XKR6: variants seen among roughly 807,000 people sequenced by gnomAD.
XKR6 encodes XK-related protein 6.
Under a neutral mutation model 56.7 loss-of-function variants are expected in XKR6, and 22 were observed. The observed-to-expected ratio is 0.39, with a 90% CI of 0.28 to 0.55. XKR6 has a LOEUF of 0.55. XKR6 is among the 20% of genes least tolerant of loss of function. The pLI, the probability that XKR6 is intolerant of heterozygous loss-of-function variation, is 0.66. For missense variants in XKR6, 852 were observed against 889.0 expected, an observed-to-expected ratio of 0.96 and a Z score of 0.53; for synonymous variants, 524 against 387.8, an observed-to-expected ratio of 1.35 and a Z score of -4.13.
chr8:11,063,991 C>A (rs1052799785), intron 1 of XKR6, among the ~76,000 whole-genome samples: 2 of 152,196 alleles, frequency 1.3e-5, no homozygotes, highest in East Asian at 1.9e-4. Flanking sequence ...GTGCCTTGTT[C>A]CGCCTCTATT....
intron 1 of XKR6, among the ~76,000 whole-genome samples, chr8:11,135,558 C>A (rs534708074): frequency 1.3e-5 from 2 of 152,178 alleles, no homozygotes; most frequent in South Asian, 4.1e-4. Context: ...TCATTTAGGC[C>A]TTTTTCTAAT....
intron 1 of XKR6, among the ~76,000 whole-genome samples, chr8:11,170,095 A>G (rs1586646372): frequency 7.3e-6 from 1 of 136,086 alleles, no homozygotes; most frequent in African/African-American, 3.4e-5. Flanking sequence ...TCTTGTACTG[A>G]AAAAAAGAAT....
chr8:11,139,812 G>A (rs1000042008), intron 1 of XKR6, among the ~76,000 whole-genome samples: 11 of 152,136 alleles, frequency 7.2e-5, no homozygotes, highest in Admixed American at 2.0e-4. Context: ...AACAAGCACC[G>A]AAAGCACTGA....
At chr8:11,195,076 A>C in intron 1 of XKR6, 2 of 699,486 alleles carry the variant, frequency 2.9e-6, no homozygotes, top group Non-Finnish European at 2.6e-6. Context: ...CTCTGTCTCA[A>C]TTTAACCCAC....
intron 1 of XKR6, among the ~76,000 whole-genome samples, chr8:10,946,819 T>C (rs551573176): frequency 6.6e-6 from 1 of 152,252 alleles, no homozygotes; most frequent in Admixed American, 6.5e-5. Flanking sequence ...CAGGAAAGGC[T>C]TCTAATTCCA....
At chr8:10,928,356 A>G (rs1800957635) in intron 1 of XKR6, among the ~76,000 whole-genome samples, 1 of 152,140 alleles carries the variant, frequency 6.6e-6, no homozygotes, top group Admixed American at 6.5e-5. Context: ...TCCTCCTCCT[A>G]GCTTTACCTG....
chr8:10,922,750 G>A (rs748497082), intron 2 of XKR6, among the ~76,000 whole-genome samples: 8 of 152,192 alleles, frequency 5.3e-5, no homozygotes, highest in Non-Finnish European at 1.2e-4. Context: ...CATCACCAAG[G>A]TTTCCCTGTG....
At position 11,035,399 on chromosome 8, in the gene XKR6, C is replaced by T. The variant is rs1011900991; in HGVS notation, c.765-110569G>A. 3 of 518,360 alleles carry T rather than the reference C, an allele frequency of 5.8e-6. No individual in the cohort carries two copies. The African/African-American group carries it at 5.8e-5, about 10-fold the overall frequency. 32.1% of individuals were successfully genotyped at this position (518,360 alleles called of 1,614,324 possible). On this transcript the variant is annotated intron_variant, in intron 1 of 2. Transcript: ENST00000416569. ...GGCTCTTTGCACTTCAGGCAAAGTG[C>T]AACTCCAGGAAAGAGAGAAGATTAA... is the stretch of plus-strand genomic sequence containing the variant.
intron 1 of XKR6, among the ~76,000 whole-genome samples, chr8:10,954,130 T>C (rs747590553): frequency 2.0e-5 from 3 of 152,266 alleles, no homozygotes; most frequent in Non-Finnish European, 2.9e-5. Context: ...AACATTCATC[T>C]ACAAATTTTC....
chr8:11,155,220 T>A (rs1801460817), intron 1 of XKR6, among the ~76,000 whole-genome samples: 1 of 152,222 alleles, frequency 6.6e-6, no homozygotes, highest in Non-Finnish European at 1.5e-5. Context: ...CTTACTGTCT[T>A]GCTTCAGGCT....
chr8:11,189,675 G>C (rs1803447974), intron 1 of XKR6, among the ~76,000 whole-genome samples: 1 of 152,146 alleles, frequency 6.6e-6, no homozygotes, highest in African/African-American at 2.4e-5. Context: ...GATATTGGCA[G>C]AAATCAGCCT....
chr8:11,126,847 C>G (rs1424245827), intron 1 of XKR6, among the ~76,000 whole-genome samples: 1 of 152,126 alleles, frequency 6.6e-6, no homozygotes, highest in Non-Finnish European at 1.5e-5. Flanking sequence ...ACAAGCCCCA[C>G]AAACAAGTCA....
At chr8:11,099,347 A>T (rs1798381375) in intron 1 of XKR6, among the ~76,000 whole-genome samples, 1 of 152,242 alleles carries the variant, frequency 6.6e-6, no homozygotes. Flanking sequence ...TAAATGGCTG[A>T]ATCTACTAAA....
intron 1 of XKR6, among the ~76,000 whole-genome samples, chr8:11,006,955 T>C (rs1798383593): frequency 6.6e-6 from 1 of 152,244 alleles, no homozygotes; most frequent in Non-Finnish European, 1.5e-5. Context: ...CAGTTCATCC[T>C]GTTTCCCTTT....
chr8:10,921,814 T>C (rs1028906317), intron 2 of XKR6, among the ~76,000 whole-genome samples: 3 of 152,162 alleles, frequency 2.0e-5, no homozygotes, highest in African/African-American at 7.2e-5. Flanking sequence ...GGGGAAGATT[T>C]GAAATTGAAA....
intron 1 of XKR6, among the ~76,000 whole-genome samples, chr8:11,115,276 T>G (rs1799119036): frequency 6.6e-6 from 1 of 152,220 alleles, no homozygotes; most frequent in Non-Finnish European, 1.5e-5. Context: ...TTCTTTCTCA[T>G]TTGGAGAATG....
Position 11,201,620 on chromosome 8 carries a change from C to A in XKR6, c.-281G>T, listed in dbSNP as rs945149289. ...GCCCTCCTGTGCCTCAGCTGCTGGG[C>A]GGGGGACCGGGGGGTTCTCCCCGCC... On this transcript the variant is annotated 5_prime_UTR_variant, in exon 1 of 3. Transcript: ENST00000416569. 6.6e-6 allele frequency among the ~76,000 whole-genome samples: 1 copy of A among 151,998 alleles called. No individual in the cohort carries two copies. Among genetic ancestry groups the A allele is most frequent in the African/African-American group, 2.4e-5 (1 of 41,408 alleles).
At chr8:10,954,358 G>A (rs1329115088) in intron 1 of XKR6, among the ~76,000 whole-genome samples, 1 of 152,222 alleles carries the variant, frequency 6.6e-6, no homozygotes, top group Non-Finnish European at 1.5e-5. Flanking sequence ...AGCCATCCAA[G>A]TGGGTGTGAC....
At chr8:10,948,679 AT>A (rs1801623429) in intron 1 of XKR6, among the ~76,000 whole-genome samples, 1 of 151,580 alleles carries the variant, frequency 6.6e-6, no homozygotes, top group African/African-American at 2.4e-5. Flanking sequence ...GTCCTCTCCT[AT>A]AGCACCCCCT....
Sources: gnomAD v4.1 joint callset for allele counts (sites outside exome capture counted in the v4.1 genomes callset) on GRCh38, gnomAD v4.1.1 for gene constraint, MANE v1.5 for transcripts, NCBI Gene and HGNC (gene_info 2026-07-23, HGNC 2026-07-21) for gene names.